ZFPM2: variants seen among roughly 807,000 people sequenced by gnomAD.
ZFPM2 encodes the protein zinc finger protein ZFPM2.
A neutral mutation model predicts 98.6 loss-of-function variants in ZFPM2; 20 were observed. That is an observed-to-expected ratio of 0.20 (90% CI 0.14 to 0.29). ZFPM2 has a LOEUF of 0.29. Among genes scored for constraint, ZFPM2 ranks in the 10% least tolerant of loss-of-function variants. ZFPM2 has a pLI of 1.00. For synonymous variants in ZFPM2, 518 were observed against 502.7 expected (o/e 1.03, Z -0.41); for missense variants, 1,310 against 1,388.6 (o/e 0.94, Z 0.90).
rs145000000 is a variant in ZFPM2 at position 105,687,190 on chromosome 8, T to C, written c.532+52833T>C. Reference sequence around the variant, plus strand: ...CATCAGACTCCATCAGCCTAGGTTCTTGAATGGCTTTATGGAGGAAGGTCA... The same window carrying C: ...CATCAGACTCCATCAGCCTAGGTTCCTGAATGGCTTTATGGAGGAAGGTCA... On this transcript the variant is annotated intron_variant, in intron 5 of 7. Transcript: ENST00000407775. 1.1e-3 allele frequency among the ~76,000 whole-genome samples: 160 copies of C among 152,338 alleles called. 2 individuals carry two copies. In the East Asian group the frequency reaches 0.025, roughly 24 times the overall value.
At chr8:105,517,809 A>C (rs890096067) in intron 3 of ZFPM2, among the ~76,000 whole-genome samples, 1 of 151,868 alleles carries the variant, frequency 6.6e-6, no homozygotes, top group Non-Finnish European at 1.5e-5. Flanking sequence ...CTGGAGGATC[A>C]CATGAGCGCT....
At chr8:105,621,849 A>G (rs1455838975) in intron 4 of ZFPM2, among the ~76,000 whole-genome samples, 1 of 152,112 alleles carries the variant, frequency 6.6e-6, no homozygotes, top group Non-Finnish European at 1.5e-5. Flanking sequence ...TTATTTTATT[A>G]TTAGTTTTTA....
chr8:105,352,063 G>A (rs1437747133), intron 1 of ZFPM2, among the ~76,000 whole-genome samples: 1 of 152,160 alleles, frequency 6.6e-6, no homozygotes, highest in Non-Finnish European at 1.5e-5. Context: ...ATGCCGAAAT[G>A]AGAAAGCCAC....
intron 5 of ZFPM2, among the ~76,000 whole-genome samples, chr8:105,738,949 T>G (rs981260172): frequency 2.0e-5 from 3 of 152,088 alleles, no homozygotes; most frequent in Admixed American, 6.6e-5. Flanking sequence ...CATTCAGAAC[T>G]CATGCATTTT....
intron 5 of ZFPM2, among the ~76,000 whole-genome samples, chr8:105,743,831 C>T (rs577026154): frequency 1.3e-5 from 2 of 152,082 alleles, no homozygotes; most frequent in African/African-American, 4.8e-5. Flanking sequence ...AATGCATGCA[C>T]TCTACAAGAA....
At chr8:105,375,253 C>T (rs896645842) in intron 1 of ZFPM2, among the ~76,000 whole-genome samples, 1 of 152,104 alleles carries the variant, frequency 6.6e-6, no homozygotes, top group African/African-American at 2.4e-5. Flanking sequence ...AAATTATTTT[C>T]TAGAAAGGAA....
chr8:105,798,121 AAATG>A (rs1813888587), intron 6 of ZFPM2: 1 of 152,224 alleles, frequency 6.6e-6, no homozygotes, highest in Non-Finnish European at 1.5e-5. Flanking sequence ...ACATCACTAT[AAATG>A]AATATTTTTT....
intron 5 of ZFPM2, among the ~76,000 whole-genome samples, chr8:105,701,680 CT>C (rs1307595844): frequency 1.3e-5 from 2 of 152,088 alleles, no homozygotes; most frequent in African/African-American, 4.8e-5. Flanking sequence ...AAATACATGC[CT>C]GGAAGTTCAT....
chr8:105,649,615 C>T (rs1408613265), intron 5 of ZFPM2, among the ~76,000 whole-genome samples: 1 of 152,108 alleles, frequency 6.6e-6, no homozygotes, highest in Non-Finnish European at 1.5e-5. Flanking sequence ...TATCAAAGGC[C>T]TTTTCTGCAT....
chr8:105,794,104 C>A (rs1813713331), intron 6 of ZFPM2, among the ~76,000 whole-genome samples: 1 of 152,174 alleles, frequency 6.6e-6, no homozygotes, highest in South Asian at 2.1e-4. Flanking sequence ...CAGCTTTGTT[C>A]CATTGCTGGT....
intron 3 of ZFPM2, among the ~76,000 whole-genome samples, chr8:105,445,359 TA>T (rs1812344756): frequency 6.6e-6 from 1 of 152,184 alleles, no homozygotes; most frequent in African/African-American, 2.4e-5. Flanking sequence ...TACTATAACA[TA>T]ATGCTATACA....
chr8:105,473,527 A>T (rs1439684435), intron 3 of ZFPM2, among the ~76,000 whole-genome samples: 6 of 152,148 alleles, frequency 3.9e-5, no homozygotes, highest in Non-Finnish European at 2.9e-5. Flanking sequence ...GTGATTCGAG[A>T]TCTATTCAAT....
At chr8:105,365,115 C>T (rs1810482206) in intron 1 of ZFPM2, among the ~76,000 whole-genome samples, 1 of 152,096 alleles carries the variant, frequency 6.6e-6, no homozygotes, top group Admixed American at 6.6e-5. Context: ...TGTCCTGTCT[C>T]ATTAGCAACT....
intron 3 of ZFPM2, among the ~76,000 whole-genome samples, chr8:105,469,413 C>A (rs1294595229): frequency 2.6e-5 from 4 of 152,082 alleles, no homozygotes; most frequent in Admixed American, 2.6e-4. Flanking sequence ...TTTATGACTG[C>A]GTCTTCCATT....
intron 4 of ZFPM2, among the ~76,000 whole-genome samples, chr8:105,631,548 G>A (rs1370964353): frequency 6.6e-6 from 1 of 152,040 alleles, no homozygotes; most frequent in Non-Finnish European, 1.5e-5. Flanking sequence ...CCCGAATGTT[G>A]CCTCTTCTAT....
At chr8:105,764,320 A>T (rs1313458774) in intron 5 of ZFPM2, among the ~76,000 whole-genome samples, 1 of 151,008 alleles carries the variant, frequency 6.6e-6, no homozygotes, top group African/African-American at 2.4e-5. Flanking sequence ...ACACACACAC[A>T]CACACATATT....
chr8:105,456,356 C>T (rs1322255995), intron 3 of ZFPM2, among the ~76,000 whole-genome samples: 1 of 151,486 alleles, frequency 6.6e-6, no homozygotes, highest in Non-Finnish European at 1.5e-5. Context: ...AAAACAAGCA[C>T]ATGGAATCAG....
chr8:105,771,420 A>C (rs1812976118), intron 5 of ZFPM2, among the ~76,000 whole-genome samples: 1 of 152,134 alleles, frequency 6.6e-6, no homozygotes, highest in Admixed American at 6.6e-5. Context: ...CATTTTTTCT[A>C]TAGCTGTTTG....
chr8:105,410,463 A>G (rs1811553273), intron 1 of ZFPM2, among the ~76,000 whole-genome samples: 1 of 151,880 alleles, frequency 6.6e-6, no homozygotes, highest in Non-Finnish European at 1.5e-5. Flanking sequence ...TCACTCTAGC[A>G]AAAGAAGGAA....
Sources: allele counts gnomAD v4.1 joint callset (sites outside exome capture counted in the v4.1 genomes callset), GRCh38; gene constraint gnomAD v4.1.1; transcripts MANE v1.5; gene names NCBI Gene and HGNC (gene_info 2026-07-23, HGNC 2026-07-21).